Variants in PSAP observed in about 807,000 individuals in gnomAD.
PSAP encodes the protein precursor of saposins.
Under a neutral mutation model 66.0 loss-of-function variants are expected in PSAP, and 25 were observed. The observed-to-expected ratio is 0.38, with a 90% confidence interval of 0.28 to 0.53. The LOEUF is 0.53. Among genes scored for constraint, PSAP ranks in the 20% least tolerant of loss-of-function variants. PSAP has a pLI of 0.83. For missense variants in PSAP, 649 were observed against 668.8 expected (o/e 0.97, Z 0.33); for synonymous variants, 273 against 258.9 (o/e 1.05, Z -0.52).
intron 7 of PSAP, chr10:71,822,746 G>A (rs532979496): frequency 2.2e-5 from 9 of 400,318 alleles, no homozygotes; most frequent in Non-Finnish European, 4.2e-5. Flanking sequence ...CTAGCTCTGA[G>A]CCTGAGTGCA....
chr10:71,835,293 A>G, intron 1 of PSAP, among the ~76,000 whole-genome samples: 1 of 151,960 alleles, frequency 6.6e-6, no homozygotes, highest in Non-Finnish European at 1.5e-5. Context: ...TTATAACATA[A>G]AACAATGGCC....
intron 3 of PSAP, 144 bp downstream of exon 3, chr10:71,831,702 T>C: frequency 1.2e-6 from 1 of 828,678 alleles, no homozygotes; most frequent in Non-Finnish European, 2.1e-6. Flanking sequence ...TACCCTAAAA[T>C]CTTTTCTCCT....
At chr10:71,818,872 G>T in intron 12 of PSAP, 148 bp from the exon 13 acceptor site, 2 of 1,027,486 alleles carry the variant, frequency 1.9e-6, no homozygotes, top group Non-Finnish European at 3.0e-6. Context: ...TGAGGAAAGC[G>T]ATGGGGCTTG....
rs187196825 is a variant in PSAP, at chr10:71,827,910, T to G, written c.720+104A>C. The G allele has an allele frequency of 6.3e-4, 954 of 1,504,120 alleles. 12 individuals are homozygous for G. In the South Asian group the frequency reaches 9.5e-3, roughly 15 times the overall value. The allele number at this position is 1,504,120 out of a possible 1,614,324, so 93.2% of individuals were successfully genotyped here. On this transcript the variant is annotated intron_variant, in intron 6 of 13. Coordinates refer to ENST00000394936, the MANE Select transcript of PSAP (RefSeq NM_002778.4). Reference sequence around the variant, plus strand: ...TCTGCACTACCTATTCAAGCTGCTTTCTGGGAAAAAAGAGAAGGATGTTGT... The same window carrying G: ...TCTGCACTACCTATTCAAGCTGCTTGCTGGGAAAAAAGAGAAGGATGTTGT...
Position 71,825,892 on chromosome 10 carries a change from C to G in PSAP, c.722G>C (p.Cys241Ser), listed in dbSNP as rs121918104. The change falls in exon 7 of 14, where the codon TGC (cysteine) becomes TCC (serine). Residue 241 changes from cysteine to serine, a missense_variant and splice_region_variant. Transcript: ENST00000394936. Reference sequence around the variant, plus strand: ...AGAATACTGGCTGATATAGTTCTTGCACTGAGGAGAGAGAAACAGATTGCT... The same window carrying G: ...AGAATACTGGCTGATATAGTTCTTGGACTGAGGAGAGAGAAACAGATTGCT... ...DRLGPGMADICKNYISQYSEI... is the reference protein window; with the variant it reads ...DRLGPGMADISKNYISQYSEI... 1.2e-6 allele frequency: 2 copies of G among 1,612,918 alleles called. No homozygotes were observed. The highest frequency in any genetic ancestry group is 1.7e-4 in the Middle Eastern group (1 of 6,054).
intron 1 of PSAP, among the ~76,000 whole-genome samples, chr10:71,846,996 C>CA (rs1842836401): frequency 6.6e-6 from 1 of 152,132 alleles, no homozygotes; most frequent in Admixed American, 6.5e-5. Flanking sequence ...GTGCTGTTCC[C>CA]AGCCAGCAAC....
At chr10:71,819,222 T>TC (rs575303240) in intron 11 of PSAP, 111 bp from the exon 12 acceptor site, 27 of 1,121,608 alleles carry the variant, frequency 2.4e-5, no homozygotes, top group Admixed American at 5.8e-5. Flanking sequence ...CTCCTGGCAT[T>TC]CCCAGCCCAC....
chr10:71,824,883 A>C (rs1175926157), intron 7 of PSAP, among the ~76,000 whole-genome samples: 1 of 152,170 alleles, frequency 6.6e-6, no homozygotes, highest in Non-Finnish European at 1.5e-5. Flanking sequence ...ATCTTTACCT[A>C]CTTCAGGTGC....
intron 1 of PSAP, among the ~76,000 whole-genome samples, 164 bp from the exon 2 acceptor site, chr10:71,834,669 C>T (rs1002574777): frequency 3.3e-5 from 5 of 152,202 alleles, no homozygotes; most frequent in African/African-American, 9.6e-5. Context: ...ACGCCTGTCC[C>T]GGTCAAGAAG....
intron 6 of PSAP, among the ~76,000 whole-genome samples, 164 bp from the exon 7 acceptor site, chr10:71,826,057 A>G (rs931714585): frequency 2.0e-5 from 3 of 152,242 alleles, no homozygotes; most frequent in African/African-American, 7.2e-5. Context: ...CTTTAATAAG[A>G]TGAAAATGAC....
chr10:71,829,199 G>A (rs1842463170), intron 4 of PSAP, 122 bp from the exon 5 acceptor site: 5 of 987,876 alleles, frequency 5.1e-6, no homozygotes, highest in South Asian at 4.1e-5. Flanking sequence ...CAAACCTGTT[G>A]TCTAAATTCA....
chr10:71,819,400 C>G, intron 11 of PSAP, 65 bp downstream of exon 11: 2 of 1,599,734 alleles, frequency 1.3e-6, no homozygotes, highest in Non-Finnish European at 1.7e-6. Context: ...AAAATGTACC[C>G]CAGCCTTGGC....
rs1342020583 is a variant in PSAP at position 71,834,560 on chromosome 10, C to T, written c.41-55G>A. 7 of 1,601,450 alleles carry T rather than the reference C, an allele frequency of 4.4e-6. No homozygotes were observed. In the East Asian group the frequency reaches 1.6e-4, roughly 36 times the overall value. Reference sequence around the variant, plus strand: ...CCCATTTTGTAGCAAACCAGGTCGACCTGACTTATTTCCCCAGGGCTGAGG... The same window carrying T: ...CCCATTTTGTAGCAAACCAGGTCGATCTGACTTATTTCCCCAGGGCTGAGG... On this transcript the variant is annotated intron_variant, in intron 1 of 13. Transcript: ENST00000394936.
chr10:71,822,330 G>T (rs112853095), intron 7 of PSAP: 13 of 429,036 alleles, frequency 3.0e-5, no homozygotes, highest in African/African-American at 2.2e-4. Flanking sequence ...GTCTGTTCTA[G>T]AATGTGTCTT....
At chr10:71,839,396 T>C (rs193143499) in intron 1 of PSAP, among the ~76,000 whole-genome samples, 6,706 of 152,110 alleles carry the variant, frequency 0.044, 208 homozygotes, top group Admixed American at 0.095. Flanking sequence ...CCTGCCACCA[T>C]GCCCAGCTAA....
chr10:71,849,906 C>T (rs938399268), intron 1 of PSAP, among the ~76,000 whole-genome samples: 1 of 152,040 alleles, frequency 6.6e-6, no homozygotes, highest in African/African-American at 2.4e-5. Flanking sequence ...AATTAAGCTC[C>T]GATTTTTTTT....
chr10:71,837,560 C>A (rs1182948840), intron 1 of PSAP, among the ~76,000 whole-genome samples: 2 of 152,238 alleles, frequency 1.3e-5, no homozygotes, highest in Non-Finnish European at 1.5e-5. Flanking sequence ...GGTAAACAAC[C>A]CAGCTGAAGG....
At chr10:71,850,475 T>A (rs1660822678) in intron 1 of PSAP, among the ~76,000 whole-genome samples, 1 of 151,850 alleles carries the variant, frequency 6.6e-6, no homozygotes, top group Non-Finnish European at 1.5e-5. Context: ...CAAACCAACG[T>A]ATTTCTTAAA....
intron 5 of PSAP, 87 bp from the exon 6 acceptor site, chr10:71,828,244 G>C (rs1202144450): frequency 8.3e-6 from 12 of 1,448,500 alleles, no homozygotes; most frequent in Non-Finnish European, 1.2e-5. Context: ...GCAGCATTAG[G>C]GGGCACTTGC....
Sources: gnomAD v4.1 joint callset for allele counts (sites outside exome capture counted in the v4.1 genomes callset) on GRCh38, gnomAD v4.1.1 for gene constraint, MANE v1.5 for transcripts, NCBI Gene and HGNC (gene_info 2026-07-23, HGNC 2026-07-21) for gene names.